Variants in RORA observed in about 807,000 individuals in gnomAD.
The protein encoded by RORA is nuclear receptor ROR-alpha.
Under a neutral mutation model 69.5 loss-of-function variants are expected in RORA, and 7 were observed. That is an observed-to-expected ratio of 0.10 (90% CI 0.06 to 0.19). The LOEUF is 0.19. Ranked by LOEUF, RORA falls within the 10% of genes least tolerant of loss-of-function variation. The pLI is 1.00. For missense variants in RORA, 457 were observed against 663.0 expected, an observed-to-expected ratio of 0.69 and a Z score of 3.41; for synonymous variants, 261 against 240.8, an observed-to-expected ratio of 1.08 and a Z score of -0.78.
At chr15:60,935,398 G>C (rs1892491349) in intron 1 of RORA, among the ~76,000 whole-genome samples, 1 of 152,224 alleles carries the variant, frequency 6.6e-6, no homozygotes, top group Non-Finnish European at 1.5e-5. Context: ...AAAATGGACT[G>C]TTCAAACCCA....
intron 1 of RORA, among the ~76,000 whole-genome samples, chr15:60,941,632 T>C (rs753542643): frequency 2.0e-5 from 3 of 152,240 alleles, no homozygotes; most frequent in Non-Finnish European, 4.4e-5. Context: ...GTGTACTTTA[T>C]TTTTAGTTCC....
chr15:61,067,949 T>C (rs2078288116), intron 1 of RORA, among the ~76,000 whole-genome samples: 1 of 152,246 alleles, frequency 6.6e-6, no homozygotes, highest in Non-Finnish European at 1.5e-5. Context: ...CTGTAGATGA[T>C]ATTATGAATG....
intron 1 of RORA, among the ~76,000 whole-genome samples, chr15:61,027,692 T>G (rs1039786536): frequency 4.6e-5 from 7 of 152,222 alleles, no homozygotes; most frequent in Non-Finnish European, 8.8e-5. Context: ...ACTTTAAATC[T>G]TGCAATTAAT....
chr15:61,167,866 C>A (rs1463253347), intron 1 of RORA, among the ~76,000 whole-genome samples: 1 of 152,206 alleles, frequency 6.6e-6, no homozygotes, highest in Admixed American at 6.5e-5. Flanking sequence ...TGTATTACAG[C>A]CACACTTCAA....
chr15:60,766,516 G>A (rs1364908413), intron 1 of RORA, among the ~76,000 whole-genome samples: 2 of 152,170 alleles, frequency 1.3e-5, no homozygotes, highest in Non-Finnish European at 2.9e-5. Flanking sequence ...GGCGATGCCT[G>A]CTGCCTGATT....
chr15:61,036,211 G>A (rs1896451208), intron 1 of RORA, among the ~76,000 whole-genome samples: 1 of 152,166 alleles, frequency 6.6e-6, no homozygotes, highest in African/African-American at 2.4e-5. Context: ...GGTCCTACGG[G>A]AGCAGCCAGA....
intron 1 of RORA, among the ~76,000 whole-genome samples, chr15:60,944,714 A>G (rs898481215): frequency 3.4e-5 from 5 of 145,336 alleles, no homozygotes; most frequent in Admixed American, 6.8e-5. Flanking sequence ...AAAAAAAAAA[A>G]GCAGCATGGC....
At chr15:61,089,318 G>C (rs141858868) in intron 1 of RORA, among the ~76,000 whole-genome samples, 12 of 152,322 alleles carry the variant, frequency 7.9e-5, no homozygotes, top group Non-Finnish European at 1.8e-4. Context: ...TTATGTGAGA[G>C]GGAATTCCAC....
intron 1 of RORA, among the ~76,000 whole-genome samples, chr15:60,978,961 C>CTTTTTGTTTTT (rs1893952092): frequency 1.1e-5 from 1 of 95,138 alleles, no homozygotes; most frequent in Non-Finnish European, 1.9e-5. Flanking sequence ...CAACTTTGCT[C>CTTTTTGTTTTT]TTTTTTTTTT....
At chr15:60,810,933 C>A (rs1283614630) in intron 1 of RORA, among the ~76,000 whole-genome samples, 1 of 152,178 alleles carries the variant, frequency 6.6e-6, no homozygotes, top group South Asian at 2.1e-4. Context: ...CCTTGGGGAG[C>A]CACAATGCCA....
intron 1 of RORA, among the ~76,000 whole-genome samples, chr15:60,697,704 A>G (rs1426893282): frequency 6.6e-6 from 1 of 152,214 alleles, no homozygotes; most frequent in Non-Finnish European, 1.5e-5. Context: ...TCCGTGGTCT[A>G]GGGTAACTCT....
At chr15:60,942,107 C>T (rs1352814826) in intron 1 of RORA, among the ~76,000 whole-genome samples, 5 of 151,332 alleles carry the variant, frequency 3.3e-5, no homozygotes, top group Non-Finnish European at 7.4e-5. Flanking sequence ...TTTTTTTTTT[C>T]ATGTGATAGA....
At chr15:60,665,998 A>G (rs149156950) in intron 2 of RORA, among the ~76,000 whole-genome samples, 2 of 152,232 alleles carry the variant, frequency 1.3e-5, no homozygotes, top group East Asian at 3.9e-4. Context: ...AGCTGTTAAC[A>G]ATGAAAATAT....
chr15:61,075,751 C>A (rs2078439395), intron 1 of RORA, among the ~76,000 whole-genome samples: 2 of 152,142 alleles, frequency 1.3e-5, no homozygotes, highest in South Asian at 4.1e-4. Context: ...ATGTCTAAAC[C>A]TCCTCGCGTT....
chr15:61,005,112 A>G (rs1277551045), intron 1 of RORA, among the ~76,000 whole-genome samples: 1 of 152,216 alleles, frequency 6.6e-6, no homozygotes. Context: ...AAATTGATGG[A>G]AACAATCTGA....
chr15:61,008,428 G>A (rs1160699786), intron 1 of RORA, among the ~76,000 whole-genome samples: 1 of 152,044 alleles, frequency 6.6e-6, no homozygotes, highest in Non-Finnish European at 1.5e-5. Context: ...ATATCAGCTG[G>A]GTCTCTCGAG....
At chr15:61,164,858 G>C (rs993900965) in intron 1 of RORA, among the ~76,000 whole-genome samples, 6 of 152,188 alleles carry the variant, frequency 3.9e-5, no homozygotes, top group Non-Finnish European at 8.8e-5. Context: ...GGTAATTAGA[G>C]AGCACTTTCC....
At chr15:61,152,712 T>C (rs2140875418) in intron 1 of RORA, among the ~76,000 whole-genome samples, 1 of 152,254 alleles carries the variant, frequency 6.6e-6, no homozygotes, top group Admixed American at 6.5e-5. Context: ...TTTTAGGACA[T>C]CTCTCTAAGC....
intron 1 of RORA, among the ~76,000 whole-genome samples, chr15:61,210,842 CT>C (rs2079984638): frequency 6.6e-6 from 1 of 152,338 alleles, no homozygotes; most frequent in African/African-American, 2.4e-5. Context: ...ACATAGGACC[CT>C]TTCAAACAAT....
Sources: gnomAD v4.1 joint callset for allele counts (sites outside exome capture counted in the v4.1 genomes callset) on GRCh38, gnomAD v4.1.1 for gene constraint, MANE v1.5 for transcripts, NCBI Gene and HGNC (gene_info 2026-07-23, HGNC 2026-07-21) for gene names.